ARMH3: variants seen among roughly 807,000 people sequenced by gnomAD.
The protein encoded by ARMH3 is armadillo-like helical domain-containing protein 3.
In ARMH3, 60 loss-of-function variants were observed where a neutral mutation model predicts 99.1. The observed-to-expected ratio is 0.61, with a 90% CI of 0.49 to 0.75. The LOEUF (loss-of-function observed/expected upper bound fraction) is 0.75. Among genes scored for constraint, ARMH3 ranks in the 30% least tolerant of loss-of-function variants. The pLI, the probability that ARMH3 is intolerant of heterozygous loss-of-function variation, is 0.00. For synonymous variants in ARMH3, 285 were observed against 292.8 expected (o/e 0.97, Z 0.27); for missense variants, 679 against 843.1 (o/e 0.81, Z 2.41).
At chr10:101,999,177 G>A (rs905244138) in intron 15 of ARMH3, among the ~76,000 whole-genome samples, 4 of 151,462 alleles carry the variant, frequency 2.6e-5, no homozygotes, top group African/African-American at 7.3e-5. Context: ...AATTATTTTT[G>A]TAATTAGGAA....
intron 23 of ARMH3, among the ~76,000 whole-genome samples, chr10:101,939,041 A>T (rs1266028365): frequency 6.6e-6 from 1 of 152,244 alleles, no homozygotes; most frequent in Non-Finnish European, 1.5e-5. Flanking sequence ...TTTGTCACAC[A>T]TTAGAATCTA....
chr10:101,988,922 CAA>C (rs35605193), intron 19 of ARMH3, among the ~76,000 whole-genome samples: 4 of 56,578 alleles, frequency 7.1e-5, no homozygotes, highest in Middle Eastern at 9.8e-3. Context: ...GACTCTGTCT[CAA>C]AAAAAAAAAA....
intron 6 of ARMH3, among the ~76,000 whole-genome samples, 173 bp downstream of exon 6, chr10:102,024,983 G>C (rs1050593237): frequency 1.3e-5 from 2 of 152,176 alleles, no homozygotes; most frequent in Non-Finnish European, 2.9e-5. Flanking sequence ...TTGCTCCAAA[G>C]AGGAAGCAAA....
chr10:102,010,262 G>C (rs190876173), intron 11 of ARMH3, among the ~76,000 whole-genome samples: 4 of 152,252 alleles, frequency 2.6e-5, no homozygotes, highest in African/African-American at 4.8e-5. Context: ...AAATCATCTT[G>C]CCTACTAAAT....
At chr10:101,852,912 T>C (rs980788603) in intron 24 of ARMH3, among the ~76,000 whole-genome samples, 1 of 151,720 alleles carries the variant, frequency 6.6e-6, no homozygotes, top group Non-Finnish European at 1.5e-5. Flanking sequence ...TGAGACAGTC[T>C]TGCTCTTGTC....
chr10:102,025,403 AAGG>A (rs1402728188), intron 5 of ARMH3, among the ~76,000 whole-genome samples, 155 bp from the exon 6 acceptor site: 1 of 152,228 alleles, frequency 6.6e-6, no homozygotes, highest in Admixed American at 6.5e-5. Context: ...AAATAAAGAA[AAGG>A]AGGACCTTTT....
chr10:102,032,889 TA>T, intron 4 of ARMH3, 136 bp downstream of exon 4: 2 of 945,628 alleles, frequency 2.1e-6, no homozygotes, highest in Non-Finnish European at 3.1e-6. Context: ...AAACGTGGCA[TA>T]AATATTTGGT....
At chr10:101,978,880 C>A (rs539711405) in intron 19 of ARMH3, among the ~76,000 whole-genome samples, 1 of 152,010 alleles carries the variant, frequency 6.6e-6, no homozygotes, top group East Asian at 1.9e-4. Context: ...GTCGAAGTTG[C>A]AGTGAGCCAA....
intron 21 of ARMH3, 71 bp downstream of exon 21, chr10:101,957,579 C>G: frequency 6.7e-7 from 1 of 1,501,570 alleles, no homozygotes. Context: ...CCACCAGCTC[C>G]TGTTTCAAAC....
At chr10:102,051,157 C>CAAA (rs774209681) in intron 1 of ARMH3, among the ~76,000 whole-genome samples, 1 of 57,042 alleles carries the variant, frequency 1.8e-5, no homozygotes, top group Non-Finnish European at 3.6e-5. Flanking sequence ...GACTCTGTCT[C>CAAA]AAAAAAAAAA....
chr10:102,041,464 A>C (rs1225354619), intron 1 of ARMH3, among the ~76,000 whole-genome samples: 1 of 152,154 alleles, frequency 6.6e-6, no homozygotes, highest in Non-Finnish European at 1.5e-5. Context: ...TGACTTTTGG[A>C]AAATGTGCAC....
At chr10:101,861,877 C>CAAAAAAAAA in intron 24 of ARMH3, among the ~76,000 whole-genome samples, 1 of 94,010 alleles carries the variant, frequency 1.1e-5, no homozygotes, top group Non-Finnish European at 2.1e-5. Flanking sequence ...CTAAAAATAC[C>CAAAAAAAAA]AAAAAAAAAA....
At chr10:102,021,704 C>T (rs918509568) in intron 8 of ARMH3, among the ~76,000 whole-genome samples, 12 of 152,094 alleles carry the variant, frequency 7.9e-5, no homozygotes, top group Admixed American at 1.3e-4. Context: ...CCCGCCACTA[C>T]GCCCGGCTAA....
chr10:102,055,182 G>T (rs962375415), intron 1 of ARMH3, among the ~76,000 whole-genome samples: 1 of 151,858 alleles, frequency 6.6e-6, no homozygotes, highest in African/African-American at 2.4e-5. Flanking sequence ...TTAGCTGGGC[G>T]TGGTAGCGCA....
chr10:101,983,513 C>T (rs1846323270), intron 19 of ARMH3, among the ~76,000 whole-genome samples: 1 of 152,192 alleles, frequency 6.6e-6, no homozygotes, highest in Admixed American at 6.5e-5. Flanking sequence ...TCTACCTCAG[C>T]CTCCCAAAGT....
intron 23 of ARMH3, among the ~76,000 whole-genome samples, chr10:101,895,276 T>A (rs2135470200): frequency 6.6e-6 from 1 of 151,120 alleles, no homozygotes; most frequent in Non-Finnish European, 1.5e-5. Flanking sequence ...AACGATAAAA[T>A]TCTTTTTTTT....
intron 14 of ARMH3, 87 bp downstream of exon 14, chr10:102,006,453 G>T: frequency 7.0e-7 from 1 of 1,425,584 alleles, no homozygotes; most frequent in Non-Finnish European, 9.8e-7. Context: ...TAACAACTAC[G>T]TAGGTTCTTT....
intron 2 of ARMH3, among the ~76,000 whole-genome samples, chr10:102,035,550 C>T (rs932442976): frequency 6.6e-6 from 1 of 152,218 alleles, no homozygotes; most frequent in Non-Finnish European, 1.5e-5. Context: ...ATTGCAGGCG[C>T]GCGCTGCCAC....
chr10:101,872,378 AAAG>A (rs1375242022), intron 24 of ARMH3, among the ~76,000 whole-genome samples: 2 of 152,176 alleles, frequency 1.3e-5, no homozygotes, highest in East Asian at 3.8e-4. Context: ...ACACTTCACA[AAAG>A]AAGATATATA....
Sources: allele counts gnomAD v4.1 joint callset (sites outside exome capture counted in the v4.1 genomes callset), GRCh38; gene constraint gnomAD v4.1.1; transcripts MANE v1.5; gene names NCBI Gene and HGNC (gene_info 2026-07-23, HGNC 2026-07-21).